BCAT1: variants seen among roughly 807,000 people sequenced by gnomAD.
The protein encoded by BCAT1 is branched chain amino acid transaminase 1.
BCAT1 carries 48 observed loss-of-function variants against 52.4 expected under a neutral mutation model. That is an observed-to-expected ratio of 0.92 (90% CI 0.73 to 1.16). The LOEUF is 1.16. BCAT1 is among the 50% of genes most tolerant of loss of function. The probability of loss-of-function intolerance (pLI) is 0.00; values close to 1 mark genes in which losing one functional copy is unlikely to be tolerated. For missense variants in BCAT1, 451 were observed against 457.1 expected (o/e 0.99, Z 0.12); for synonymous variants, 167 against 161.3 (o/e 1.04, Z -0.27).
chr12:24,849,751 G>C, intron 6 of BCAT1, 35 bp downstream of exon 6: 1 of 1,577,330 alleles, frequency 6.3e-7, no homozygotes, highest in East Asian at 2.3e-5. Flanking sequence ...TCATGAAGGT[G>C]TCTTTCCTTT....
At chr12:24,931,227 G>A in intron 1 of BCAT1, among the ~76,000 whole-genome samples, 1 of 151,996 alleles carries the variant, frequency 6.6e-6, no homozygotes, top group East Asian at 1.9e-4. Flanking sequence ...TTTTTTAAAG[G>A]ATTAATCAGA....
At chr12:24,887,073 A>AAT (rs1942690112) in intron 3 of BCAT1, among the ~76,000 whole-genome samples, 1 of 100,904 alleles carries the variant, frequency 9.9e-6, no homozygotes, top group African/African-American at 4.0e-5. Context: ...AAAAAAAAAA[A>AAT]AAAAAAAATA....
intron 6 of BCAT1, 92 bp from the exon 7 acceptor site, chr12:24,842,316 C>T: frequency 7.2e-7 from 1 of 1,391,324 alleles, no homozygotes; most frequent in Non-Finnish European, 1.0e-6. Context: ...TCTTAATTCA[C>T]ATGTGGACAT....
At chr12:24,866,940 G>C (rs556320074) in intron 5 of BCAT1, among the ~76,000 whole-genome samples, 1 of 152,090 alleles carries the variant, frequency 6.6e-6, no homozygotes, top group Admixed American at 6.6e-5. Flanking sequence ...TTGTTCTCTC[G>C]CTCTTTGCAG....
chr12:24,914,052 C>T (rs978084006), intron 1 of BCAT1, among the ~76,000 whole-genome samples: 1 of 151,312 alleles, frequency 6.6e-6, no homozygotes, highest in African/African-American at 2.4e-5. Context: ...GCCCAACATT[C>T]CCCAGTTGAG....
intron 6 of BCAT1, among the ~76,000 whole-genome samples, chr12:24,843,065 A>G (rs961442796): frequency 1.3e-5 from 2 of 152,192 alleles, no homozygotes; most frequent in Non-Finnish European, 2.9e-5. Context: ...AGGTCTGAGA[A>G]GTACTGCCGT....
intron 8 of BCAT1, chr12:24,834,030 C>T: frequency 2.4e-6 from 1 of 419,092 alleles, no homozygotes; most frequent in Non-Finnish European, 3.2e-6. Flanking sequence ...AGGGGTCTCC[C>T]TATGTTGCCC....
intron 1 of BCAT1, among the ~76,000 whole-genome samples, chr12:24,925,654 G>A (rs1172564093): frequency 1.3e-5 from 2 of 151,840 alleles, no homozygotes; most frequent in African/African-American, 4.8e-5. Flanking sequence ...AAGCTGGACT[G>A]TACTGCTGCC....
intron 5 of BCAT1, among the ~76,000 whole-genome samples, chr12:24,872,158 A>AGGAAAATATTTTTCAT (rs1257060349): frequency 6.6e-6 from 1 of 152,242 alleles, no homozygotes; most frequent in Non-Finnish European, 1.5e-5. Flanking sequence ...GCAGTGAATA[A>AGGAAAATATTTTTCAT]GGAAAATATT....
At position 24,832,825 on chromosome 12, in the gene BCAT1, A is replaced by G; in HGVS notation, c.942T>C (p.Asp314=). ...TCCCCTCCAGGGCTGTTGTCAAGTC[A>G]TCCATGGTGAGGTATCTCTCTGACA... The part of the protein sequence containing the change: ...FKVSERYLTM[D]DLTTALEGNR... The change falls in exon 9 of 11, where the codon GAT becomes GAC. Residue 314 remains aspartate (D), a synonymous_variant. Coordinates refer to ENST00000261192, the MANE Select transcript of BCAT1 (RefSeq NM_005504.7). The G allele has an allele frequency of 6.2e-7, 1 of 1,612,548 alleles. No individual in the cohort carries two copies. Among genetic ancestry groups the G allele is most frequent in the Non-Finnish European group, 8.5e-7 (1 of 1,179,246 alleles).
intron 6 of BCAT1, among the ~76,000 whole-genome samples, chr12:24,847,619 AAG>A (rs769186790): frequency 5.3e-5 from 8 of 152,090 alleles, no homozygotes; most frequent in Non-Finnish European, 7.4e-5. Context: ...AAAAGAGAGA[AAG>A]AGAGAGAGAG....
At chr12:24,911,484 G>A (rs12579934) in intron 1 of BCAT1, among the ~76,000 whole-genome samples, 61,540 of 152,098 alleles carry the variant, frequency 0.4, 12,698 homozygotes, top group East Asian at 0.47. Context: ...GAATGAGCAC[G>A]TGCCAATCTA....
intron 1 of BCAT1, among the ~76,000 whole-genome samples, chr12:24,926,187 C>G (rs931138375): frequency 1.3e-5 from 2 of 151,682 alleles, no homozygotes; most frequent in African/African-American, 4.8e-5. Context: ...ATGTGGGGAG[C>G]GCCTCTGCCC....
chr12:24,821,363 G>A (rs532054811), intron 10 of BCAT1, among the ~76,000 whole-genome samples: 6 of 151,982 alleles, frequency 3.9e-5, no homozygotes, highest in Admixed American at 1.3e-4. Context: ...CTTTGCAGTC[G>A]CTGCTTCCCA....
At chr12:24,850,327 G>A (rs1343790040) in intron 5 of BCAT1, among the ~76,000 whole-genome samples, 2 of 152,118 alleles carry the variant, frequency 1.3e-5, no homozygotes, top group Non-Finnish European at 2.9e-5. Flanking sequence ...TAGGCTTTGG[G>A]GGGTAAAATA....
At chr12:24,887,919 G>T (rs1034159531) in intron 3 of BCAT1, among the ~76,000 whole-genome samples, 2 of 152,146 alleles carry the variant, frequency 1.3e-5, no homozygotes, top group African/African-American at 4.8e-5. Context: ...TGTAGTTGGA[G>T]CTCTCAAAAT....
intron 5 of BCAT1, 121 bp downstream of exon 5, chr12:24,878,409 A>G (rs1161489893): frequency 1.2e-5 from 10 of 864,440 alleles, no homozygotes; most frequent in Non-Finnish European, 1.3e-5. Flanking sequence ...AATCAGAAGG[A>G]AGAAGTCATT....
chr12:24,928,170 T>A (rs1431426171), intron 1 of BCAT1, among the ~76,000 whole-genome samples: 1 of 152,238 alleles, frequency 6.6e-6, no homozygotes, highest in Non-Finnish European at 1.5e-5. Flanking sequence ...TCACATAGCA[T>A]GTTTGCAATT....
chr12:24,823,104 G>A (rs1270672062), intron 10 of BCAT1, among the ~76,000 whole-genome samples: 1 of 149,862 alleles, frequency 6.7e-6, no homozygotes, highest in Non-Finnish European at 1.5e-5. Flanking sequence ...TGCCCAGGCT[G>A]GAGTGCAGTG....
Sources: allele counts gnomAD v4.1 joint callset (sites outside exome capture counted in the v4.1 genomes callset), GRCh38; gene constraint gnomAD v4.1.1; transcripts MANE v1.5; gene names NCBI Gene and HGNC (gene_info 2026-07-23, HGNC 2026-07-21).